The following GRIK2 variants were observed in gnomAD, a reference collection of about 807,000 sequenced individuals.
The protein encoded by GRIK2 is glutamate ionotropic receptor kainate type subunit 2.
Under a neutral mutation model 100.3 loss-of-function variants are expected in GRIK2, and 32 were observed. The observed-to-expected ratio is 0.32, with a 90% CI of 0.24 to 0.43. GRIK2 has a LOEUF of 0.43. Ranked by LOEUF, GRIK2 falls within the 20% of genes least tolerant of loss-of-function variation. The pLI is 1.00. For synonymous variants in GRIK2, 417 were observed against 389.4 expected (o/e 1.07, Z -0.83); for missense variants, 843 against 1,114.9 (o/e 0.76, Z 3.47).
In GRIK2 at chr6:102,035,443, A is replaced by G; in HGVS notation, c.2188A>G (p.Thr730Ala). Residue 730 changes from threonine (T) to alanine (A), a missense_variant, in exon 15 of 17, where the codon ACC becomes GCC. Physicochemically the swap from Thr to Ala is moderately conservative, Grantham distance 58. Around this residue, in one of 3 missense-constraint regions of GRIK2, gnomAD observed 237 missense variants for 388.0 expected, o/e 0.61. Transcript: ENST00000369134. The stretch of plus-strand genomic sequence containing the variant: ...TGAAGAAGGAATCCAGCGAGTCCTC[A>G]CCTCTGATTATGCTTTCCTAATGGA... The part of the protein sequence containing the change: ...SNEEGIQRVL[T>A]SDYAFLMEST... 1 of 1,608,070 alleles carries G rather than the reference A, an allele frequency of 6.2e-7. No homozygotes were observed. Among genetic ancestry groups the G allele is most frequent in the Non-Finnish European group, 8.5e-7 (1 of 1,175,444 alleles).
rs945774942 is a variant in GRIK2, at chr6:101,506,143, G to C, written c.115+106751G>C. 2.0e-5 allele frequency among the ~76,000 whole-genome samples: 3 copies of C among 152,118 alleles called. No homozygotes were observed. The East Asian group carries it at 5.8e-4, about 29-fold the overall frequency. Reference sequence around the variant, plus strand: ...GATGAGGTCTAAGCTCATTTGCAAAGCTGGGGTCTAAGCCCAGGGAGTCTG... The same window carrying C: ...GATGAGGTCTAAGCTCATTTGCAAACCTGGGGTCTAAGCCCAGGGAGTCTG... On this transcript the variant is annotated intron_variant, in intron 2 of 16. Transcript: ENST00000369134.
intron 10 of GRIK2, among the ~76,000 whole-genome samples, chr6:101,828,093 G>A (rs918563159): frequency 6.6e-6 from 1 of 151,958 alleles, no homozygotes; most frequent in Non-Finnish European, 1.5e-5. Context: ...TCAGAGCACA[G>A]TAGAATAAAA....
intron 2 of GRIK2, among the ~76,000 whole-genome samples, chr6:101,602,140 C>T (rs929723931): frequency 1.3e-5 from 2 of 151,526 alleles, no homozygotes; most frequent in Admixed American, 1.3e-4. Context: ...TCATTTATTT[C>T]AAAGAATATT....
At chr6:101,775,618 A>T (rs894013317) in intron 7 of GRIK2, among the ~76,000 whole-genome samples, 1 of 151,394 alleles carries the variant, frequency 6.6e-6, no homozygotes, top group African/African-American at 2.4e-5. Flanking sequence ...TTCATTTAGA[A>T]ACAAGACAGA....
At chr6:101,550,973 T>C (rs989616477) in intron 2 of GRIK2, among the ~76,000 whole-genome samples, 2 of 152,176 alleles carry the variant, frequency 1.3e-5, no homozygotes, top group African/African-American at 4.8e-5. Context: ...AGAATTTTAT[T>C]GTTCTCTTCT....
intron 12 of GRIK2, chr6:101,890,166 T>C: frequency 4.5e-6 from 1 of 223,146 alleles, no homozygotes; most frequent in Non-Finnish European, 8.7e-6. Context: ...ACTTCGAAGA[T>C]TTCTGAAGAA....
At chr6:101,954,321 A>C (rs1791780656) in intron 14 of GRIK2, among the ~76,000 whole-genome samples, 1 of 152,150 alleles carries the variant, frequency 6.6e-6, no homozygotes, top group South Asian at 2.1e-4. Context: ...TTATCTTAAC[A>C]ATATTAAGTC....
chr6:101,909,377 T>TTTGTTTTG (rs1227708352), intron 12 of GRIK2, among the ~76,000 whole-genome samples: 10 of 116,154 alleles, frequency 8.6e-5, no homozygotes, highest in Admixed American at 1.9e-4. Flanking sequence ...TAGGGTTTTC[T>TTTGTTTTG]TTTTCTTTTT....
intron 4 of GRIK2, among the ~76,000 whole-genome samples, chr6:101,634,078 G>T (rs1370751674): frequency 6.6e-6 from 1 of 152,120 alleles, no homozygotes; most frequent in Admixed American, 6.6e-5. Context: ...TCTGACTGCA[G>T]TGTGGAGAAT....
intron 12 of GRIK2, among the ~76,000 whole-genome samples, chr6:101,903,567 A>G (rs1224511242): frequency 1.3e-5 from 2 of 151,802 alleles, no homozygotes; most frequent in Admixed American, 6.6e-5. Flanking sequence ...GATTTCTGTT[A>G]TACTTTCTTT....
At chr6:101,775,751 T>C (rs1383418116) in intron 7 of GRIK2, among the ~76,000 whole-genome samples, 3 of 151,408 alleles carry the variant, frequency 2.0e-5, no homozygotes, top group Non-Finnish European at 2.9e-5. Flanking sequence ...TTCATATATA[T>C]ATGGAAACAA....
chr6:101,686,418 C>A, intron 7 of GRIK2, 65 bp downstream of exon 7: 1 of 1,248,448 alleles, frequency 8.0e-7, no homozygotes. Flanking sequence ...ATATGAACTT[C>A]TGGGTTTATA....
At chr6:101,750,255 A>G (rs1776703311) in intron 7 of GRIK2, among the ~76,000 whole-genome samples, 1 of 152,172 alleles carries the variant, frequency 6.6e-6, no homozygotes, top group Admixed American at 6.5e-5. Flanking sequence ...CCAGTGTTAC[A>G]CAGAAGGTAA....
At chr6:101,613,303 G>C (rs946091407) in intron 2 of GRIK2, among the ~76,000 whole-genome samples, 1 of 151,656 alleles carries the variant, frequency 6.6e-6, no homozygotes, top group South Asian at 2.1e-4. Context: ...AGCTTTGCTT[G>C]GTCTTTAACT....
intron 11 of GRIK2, among the ~76,000 whole-genome samples, chr6:101,883,033 A>G (rs903650059): frequency 6.6e-6 from 1 of 151,878 alleles, no homozygotes; most frequent in South Asian, 2.1e-4. Context: ...TTATCCTTTT[A>G]TATGATCCCA....
intron 2 of GRIK2, among the ~76,000 whole-genome samples, chr6:101,444,349 T>G (rs1001595878): frequency 6.6e-6 from 1 of 152,130 alleles, no homozygotes; most frequent in African/African-American, 2.4e-5. Flanking sequence ...TTTAATACTT[T>G]AAAAATATTT....
chr6:101,981,747 A>G (rs925592392), intron 14 of GRIK2, among the ~76,000 whole-genome samples: 21 of 151,858 alleles, frequency 1.4e-4, no homozygotes, highest in Admixed American at 1.2e-3. Context: ...AAGGGAAGAA[A>G]AAATGGAAAA....
intron 2 of GRIK2, among the ~76,000 whole-genome samples, chr6:101,586,282 G>GAGTAT (rs1778359621): frequency 6.6e-6 from 1 of 151,532 alleles, no homozygotes; most frequent in Non-Finnish European, 1.5e-5. Flanking sequence ...CTCTACCCAA[G>GAGTAT]AGTATGAATC....
chr6:101,921,426 A>C (rs1396038430), intron 12 of GRIK2, among the ~76,000 whole-genome samples: 1 of 152,084 alleles, frequency 6.6e-6, no homozygotes, highest in Non-Finnish European at 1.5e-5. Context: ...GAGCAGAAAA[A>C]TATTAATTTG....
Sources: gnomAD v4.1 joint callset for allele counts (sites outside exome capture counted in the v4.1 genomes callset) on GRCh38, gnomAD v4.1.1 for gene constraint, gnomAD v4.1.1 regional missense constraint, MANE v1.5 for transcripts, NCBI Gene and HGNC (gene_info 2026-07-23, HGNC 2026-07-21) for gene names.